The following LRBA variants were observed in gnomAD, a reference collection of about 807,000 sequenced individuals.
The protein encoded by LRBA is lipopolysaccharide-responsive and beige-like anchor protein.
A neutral mutation model predicts 330.0 loss-of-function variants in LRBA; 176 were observed. That is an observed-to-expected ratio of 0.53 (90% CI 0.47 to 0.60). The LOEUF is 0.60. Ranked by LOEUF, LRBA falls within the 20% of genes least tolerant of loss-of-function variation. LRBA has a pLI of 0.00. For missense variants in LRBA, 3,259 were observed against 3,444.8 expected (o/e 0.95, Z 1.35); for synonymous variants, 1,230 against 1,193.0 (o/e 1.03, Z -0.64).
intron 36 of LRBA, among the ~76,000 whole-genome samples, chr4:150,716,038 G>A (rs1285360571): frequency 2.6e-5 from 4 of 152,078 alleles, no homozygotes; most frequent in Admixed American, 6.6e-5. Flanking sequence ...GATATAGCTC[G>A]AAACAAACAT....
At chr4:150,897,101 T>A (rs527665731) in intron 15 of LRBA, among the ~76,000 whole-genome samples, 1 of 151,658 alleles carries the variant, frequency 6.6e-6, no homozygotes, top group Non-Finnish European at 1.5e-5. Flanking sequence ...CTTTTTTTAA[T>A]ACATGGAAAT....
At chr4:150,686,631 C>A (rs914368415) in intron 36 of LRBA, among the ~76,000 whole-genome samples, 3 of 152,114 alleles carry the variant, frequency 2.0e-5, no homozygotes, top group Admixed American at 6.5e-5. Context: ...GAACTGTAAA[C>A]TTTCAACATT....
intron 40 of LRBA, among the ~76,000 whole-genome samples, chr4:150,578,921 C>T (rs570196423): frequency 6.6e-6 from 1 of 152,322 alleles, no homozygotes; most frequent in East Asian, 1.9e-4. Flanking sequence ...CTGCCTAAGC[C>T]AAACAAACAA....
At chr4:150,570,222 A>AT (rs1321268616) in intron 40 of LRBA, among the ~76,000 whole-genome samples, 3 of 151,750 alleles carry the variant, frequency 2.0e-5, no homozygotes, top group Non-Finnish European at 4.4e-5. Flanking sequence ...TGTGTCGGGA[A>AT]TTTTTTTTTC....
chr4:150,552,740 AC>A (rs1365077759), intron 40 of LRBA, among the ~76,000 whole-genome samples: 1 of 152,120 alleles, frequency 6.6e-6, no homozygotes, highest in Non-Finnish European at 1.5e-5. Context: ...AAGACTTGGA[AC>A]CAACCCAAAT....
intron 32 of LRBA, among the ~76,000 whole-genome samples, chr4:150,806,666 C>T (rs1254981672): frequency 6.6e-6 from 1 of 152,042 alleles, no homozygotes; most frequent in Admixed American, 6.6e-5. Flanking sequence ...CAAGTCTCAC[C>T]TGGCCAGTTA....
intron 37 of LRBA, among the ~76,000 whole-genome samples, chr4:150,662,991 CAG>C (rs1781260583): frequency 6.6e-6 from 1 of 151,806 alleles, no homozygotes; most frequent in Non-Finnish European, 1.5e-5. Context: ...CAAAAAAAAA[CAG>C]ATAAAATCTA....
At chr4:150,636,631 T>C (rs1777940277) in intron 37 of LRBA, among the ~76,000 whole-genome samples, 1 of 152,094 alleles carries the variant, frequency 6.6e-6, no homozygotes, top group African/African-American at 2.4e-5. Flanking sequence ...TGGACAAAGC[T>C]AGGAAATATA....
chr4:150,294,708 T>C (rs1728739072), intron 53 of LRBA, among the ~76,000 whole-genome samples: 1 of 152,162 alleles, frequency 6.6e-6, no homozygotes, highest in Admixed American at 6.5e-5. Flanking sequence ...TCCCAGCACT[T>C]TGGGAGGCCA....
At chr4:150,904,954 G>A (rs1731163206) in intron 13 of LRBA, among the ~76,000 whole-genome samples, 1 of 152,180 alleles carries the variant, frequency 6.6e-6, no homozygotes, top group African/African-American at 2.4e-5. Context: ...CCAAAAGGCA[G>A]AAGGGGAGAG....
chr4:150,404,174 G>C (rs1000220747), intron 47 of LRBA, among the ~76,000 whole-genome samples: 1 of 152,138 alleles, frequency 6.6e-6, no homozygotes, highest in Admixed American at 6.5e-5. Context: ...GGCCTGGCAT[G>C]GGTCTTTGCA....
chr4:150,844,581 G>T, intron 27 of LRBA, 77 bp downstream of exon 27: 2 of 1,316,370 alleles, frequency 1.5e-6, no homozygotes, highest in Non-Finnish European at 2.1e-6. Context: ...TTAACTTTAT[G>T]TTGAAATGAA....
intron 47 of LRBA, among the ~76,000 whole-genome samples, chr4:150,402,593 C>T (rs1228660376): frequency 6.6e-6 from 1 of 151,986 alleles, no homozygotes; most frequent in Non-Finnish European, 1.5e-5. Context: ...AGAATATCTA[C>T]TTTTTCTTTA....
intron 37 of LRBA, among the ~76,000 whole-genome samples, chr4:150,658,505 GTC>G (rs1491488320): frequency 0.016 from 340 of 21,136 alleles, 4 homozygotes; most frequent in African/African-American, 0.021. Context: ...GAAAATAAAA[GTC>G]TCCCTCTCCC....
chr4:150,539,646 G>C (rs1765102837), intron 40 of LRBA, among the ~76,000 whole-genome samples: 1 of 152,142 alleles, frequency 6.6e-6, no homozygotes, highest in African/African-American at 2.4e-5. Flanking sequence ...CCTGGAAGTG[G>C]CAGTGATTGT....
At chr4:150,914,598 G>A (rs1732378081) in intron 8 of LRBA, among the ~76,000 whole-genome samples, 1 of 152,080 alleles carries the variant, frequency 6.6e-6, no homozygotes, top group Non-Finnish European at 1.5e-5. Context: ...ATGCCACTGA[G>A]TATGGCAAGT....
chr4:150,843,571 ATGCACCTTTTTATCACATTAG>A (rs1428705414), intron 28 of LRBA, among the ~76,000 whole-genome samples: 1 of 152,204 alleles, frequency 6.6e-6, no homozygotes, highest in Non-Finnish European at 1.5e-5. Flanking sequence ...ACATTTCATC[ATGCACCTTTTTATCACATTAG>A]TGTACCTTTG....
intron 40 of LRBA, chr4:150,580,145 C>T (rs1221103418): frequency 1.2e-5 from 2 of 170,252 alleles, no homozygotes; most frequent in Non-Finnish European, 2.5e-5. Flanking sequence ...CGCGGCCTCC[C>T]CGGAGAAGGC....
At chr4:150,954,292 C>T (rs1405351934) in intron 2 of LRBA, among the ~76,000 whole-genome samples, 2 of 152,106 alleles carry the variant, frequency 1.3e-5, no homozygotes, top group Admixed American at 6.5e-5. Context: ...TGAGAACGGG[C>T]CATGATGACG....
Sources: allele counts gnomAD v4.1 joint callset (sites outside exome capture counted in the v4.1 genomes callset), GRCh38; gene constraint gnomAD v4.1.1; transcripts MANE v1.5; gene names NCBI Gene and HGNC (gene_info 2026-07-23, HGNC 2026-07-21).